The following WWP1 variants were observed in gnomAD, a reference collection of about 807,000 sequenced individuals.
The protein encoded by WWP1 is WW domain containing E3 ubiquitin protein ligase 1, also known as NEDD4-like E3 ubiquitin-protein ligase WWP1.
Under a neutral mutation model 130.6 loss-of-function variants are expected in WWP1, and 49 were observed. That is an observed-to-expected ratio of 0.38 (90% CI 0.30 to 0.48). WWP1 has a LOEUF of 0.48. WWP1 is among the 20% of genes least tolerant of loss of function. The pLI is 0.99. For missense variants in WWP1, 809 were observed against 1,100.6 expected, an observed-to-expected ratio of 0.74 and a Z score of 3.75; for synonymous variants, 332 against 367.8, an observed-to-expected ratio of 0.90 and a Z score of 1.11.
intron 5 of WWP1, among the ~76,000 whole-genome samples, chr8:86,395,291 A>T (rs957447828): frequency 6.6e-6 from 1 of 152,242 alleles, no homozygotes; most frequent in Non-Finnish European, 1.5e-5. Context: ...GGTTTCTGTT[A>T]TTAACTCGCC....
intron 3 of WWP1, among the ~76,000 whole-genome samples, chr8:86,378,606 T>C (rs1030303829): frequency 6.6e-6 from 1 of 152,218 alleles, no homozygotes; most frequent in Non-Finnish European, 1.5e-5. Context: ...GAACAACTTT[T>C]TGAATTAATA....
chr8:86,468,232 A>G lies in WWP1; in HGVS notation c.*1339A>G, dbSNP rs1428700887. On this transcript the variant is annotated 3_prime_UTR_variant, in exon 25 of 25. Coordinates refer to ENST00000517970, the MANE Select transcript of WWP1 (RefSeq NM_007013.4). Reference sequence around the variant, plus strand: ...TTCTTAAAATCTGTTGCCTATAAATATTTCACTGCTAAGTACATACAGAAA... The same window carrying G: ...TTCTTAAAATCTGTTGCCTATAAATGTTTCACTGCTAAGTACATACAGAAA... 3.5e-6 allele frequency: 1 copy of G among 289,772 alleles called. No homozygotes were observed. The highest frequency in any genetic ancestry group is 2.3e-5 in the African/African-American group (1 of 44,346). 18.0% of individuals were successfully genotyped at this position (289,772 alleles called of 1,614,324 possible). A position where few individuals can be genotyped will look rare whatever the true frequency, so the allele number is the denominator to read the frequency against.
intron 1 of WWP1, among the ~76,000 whole-genome samples, chr8:86,353,316 A>G (rs1469786173): frequency 6.6e-6 from 1 of 152,166 alleles, no homozygotes; most frequent in African/African-American, 2.4e-5. Flanking sequence ...CCAAAATCTG[A>G]TCCTGTCATC....
At chr8:86,421,988 C>G (rs567458016) in intron 9 of WWP1, among the ~76,000 whole-genome samples, 10 of 152,224 alleles carry the variant, frequency 6.6e-5, no homozygotes, top group Admixed American at 2.0e-4. Context: ...TGGTGCAGGA[C>G]AACTTATCAA....
At chr8:86,435,733 C>T in intron 16 of WWP1, 29 bp downstream of exon 16, 2 of 1,600,522 alleles carry the variant, frequency 1.2e-6, no homozygotes, top group Non-Finnish European at 1.7e-6. Context: ...GAATAAAACA[C>T]CATTTGTCTC....
chr8:86,438,526 T>C, intron 16 of WWP1, 59 bp from the exon 17 acceptor site: 11 of 1,286,370 alleles, frequency 8.6e-6, no homozygotes, highest in Non-Finnish European at 1.1e-5. Context: ...TTAAATTGTT[T>C]TGAAAGGAAC....
intron 9 of WWP1, among the ~76,000 whole-genome samples, chr8:86,415,702 A>G (rs1006693272): frequency 1.3e-5 from 2 of 152,180 alleles, no homozygotes; most frequent in Non-Finnish European, 2.9e-5. Context: ...TTTTTCTACT[A>G]TAGATTAATT....
chr8:86,362,268 C>T (rs1823712470), intron 1 of WWP1, among the ~76,000 whole-genome samples: 1 of 123,698 alleles, frequency 8.1e-6, no homozygotes, highest in Admixed American at 8.6e-5. Context: ...TATTGATCAC[C>T]TTTTTTTTTT....
intron 14 of WWP1, among the ~76,000 whole-genome samples, chr8:86,434,458 T>G (rs958162040): frequency 1.3e-5 from 2 of 152,216 alleles, no homozygotes; most frequent in Non-Finnish European, 2.9e-5. Flanking sequence ...ATATGGCTTT[T>G]GCCCTCTCCT....
At chr8:86,348,541 A>G (rs184423228) in intron 1 of WWP1, among the ~76,000 whole-genome samples, 49 of 152,292 alleles carry the variant, frequency 3.2e-4, no homozygotes, top group African/African-American at 5.1e-4. Context: ...TTAAATCTAC[A>G]GTTCACTCAC....
chr8:86,387,585 T>C (rs1219571953), intron 5 of WWP1, among the ~76,000 whole-genome samples: 1 of 152,158 alleles, frequency 6.6e-6, no homozygotes, highest in East Asian at 1.9e-4. Flanking sequence ...CAGTCTCGGC[T>C]CACTGCAGCC....
chr8:86,464,878 CAAT>C (rs1811958490), intron 24 of WWP1, among the ~76,000 whole-genome samples: 1 of 151,802 alleles, frequency 6.6e-6, no homozygotes. Context: ...CCTCTGCCTT[CAAT>C]AAAAGTGATA....
chr8:86,420,553 C>A (rs1809145066), intron 9 of WWP1, among the ~76,000 whole-genome samples: 1 of 152,020 alleles, frequency 6.6e-6, no homozygotes, highest in Non-Finnish European at 1.5e-5. Flanking sequence ...GCAGCTTCAC[C>A]TTTCCTAATA....
chr8:86,370,855 CTTTTTTTTTTTTTTTTT>C (rs555585296), intron 2 of WWP1, among the ~76,000 whole-genome samples: 1 of 44,862 alleles, frequency 2.2e-5, no homozygotes, highest in Non-Finnish European at 3.8e-5. Flanking sequence ...TATATTCATT[CTTTTTTTTTTTTTTTTT>C]TTTTTTTTTT....
intron 5 of WWP1, among the ~76,000 whole-genome samples, chr8:86,393,041 T>C (rs185779228): frequency 1.6e-4 from 25 of 152,318 alleles, no homozygotes; most frequent in African/African-American, 6.0e-4. Flanking sequence ...TTTCTTTGAT[T>C]ATTAATAAGG....
chr8:86,438,542 C>T (rs764912750), intron 16 of WWP1, 43 bp from the exon 17 acceptor site: 1 of 1,428,024 alleles, frequency 7.0e-7, no homozygotes, highest in Admixed American at 2.2e-5. Context: ...GGAACTTGTA[C>T]TGCATGTGAG....
intron 5 of WWP1, among the ~76,000 whole-genome samples, chr8:86,392,685 T>C (rs1051204856): frequency 6.6e-6 from 1 of 152,222 alleles, no homozygotes; most frequent in African/African-American, 2.4e-5. Flanking sequence ...TTAGCCTTAT[T>C]AACTGAGTGA....
intron 7 of WWP1, among the ~76,000 whole-genome samples, chr8:86,401,482 C>T (rs1807975178): frequency 1.3e-5 from 2 of 151,076 alleles, no homozygotes; most frequent in African/African-American, 4.9e-5. Context: ...ATTACTTGAG[C>T]CTAAGAGGTT....
rs79845110 is a variant in WWP1 at position 86,372,985 on chromosome 8, G to A, written c.-21-1045G>A. 3.4e-3 allele frequency among the ~76,000 whole-genome samples: 515 copies of A among 150,962 alleles called. 14 individuals are homozygous for A. In the East Asian group the frequency reaches 0.046, roughly 13 times the overall value. On this transcript the variant is annotated intron_variant, in intron 2 of 24. Coordinates refer to ENST00000517970, the MANE Select transcript of WWP1 (RefSeq NM_007013.4). ...TTTTCAACCTTTCCTTTCCTAGTATGTCTTTAAGGCTATAAATTTGCCTCT... is the reference window on the plus strand; with the variant it reads ...TTTTCAACCTTTCCTTTCCTAGTATATCTTTAAGGCTATAAATTTGCCTCT...
Sources: allele counts gnomAD v4.1 joint callset (sites outside exome capture counted in the v4.1 genomes callset), GRCh38; gene constraint gnomAD v4.1.1; transcripts MANE v1.5; gene names NCBI Gene and HGNC (gene_info 2026-07-23, HGNC 2026-07-21).